Variants in GFPT1 observed in about 807,000 individuals in gnomAD.
GFPT1 encodes the protein glutamine--fructose-6-phosphate transaminase 1, also known as glutamine--fructose-6-phosphate aminotransferase [isomerizing] 1.
Under a neutral mutation model 92.0 loss-of-function variants are expected in GFPT1, and 40 were observed. That is an observed-to-expected ratio of 0.43 (90% CI 0.34 to 0.57). The LOEUF is 0.57. GFPT1 is among the 20% of genes least tolerant of loss of function. The pLI is 0.02. For missense variants in GFPT1, 448 were observed against 869.1 expected, an observed-to-expected ratio of 0.52 and a Z score of 6.09; for synonymous variants, 269 against 280.6, an observed-to-expected ratio of 0.96 and a Z score of 0.41.
intron 1 of GFPT1, among the ~76,000 whole-genome samples, chr2:69,380,291 G>A (rs958124476): frequency 1.1e-4 from 17 of 152,142 alleles, no homozygotes; most frequent in African/African-American, 2.9e-4. Flanking sequence ...GAAGTGGGCC[G>A]AGATTGCGCC....
At chr2:69,350,423 T>C (rs940525242) in intron 9 of GFPT1, among the ~76,000 whole-genome samples, 1 of 152,128 alleles carries the variant, frequency 6.6e-6, no homozygotes, top group African/African-American at 2.4e-5. Flanking sequence ...TGCTACATTA[T>C]ATGTTTTTTT....
chr2:69,365,069 T>A (rs1671576733), intron 3 of GFPT1, among the ~76,000 whole-genome samples: 1 of 151,574 alleles, frequency 6.6e-6, no homozygotes, highest in African/African-American at 2.4e-5. Flanking sequence ...TCTTGGGGTT[T>A]CTTAAAAAAA....
At chr2:69,356,134 C>T (rs1478989619) in intron 7 of GFPT1, among the ~76,000 whole-genome samples, 1 of 152,020 alleles carries the variant, frequency 6.6e-6, no homozygotes, top group Non-Finnish European at 1.5e-5. Flanking sequence ...GCTGGGATTA[C>T]AGGCATGTGC....
intron 10 of GFPT1, among the ~76,000 whole-genome samples, chr2:69,349,110 T>C (rs145539290): frequency 6.5e-4 from 99 of 152,372 alleles, no homozygotes; most frequent in African/African-American, 2.2e-3. Flanking sequence ...ACTCTGTTAC[T>C]AGCATTCTGC....
At chr2:69,341,972 C>T (rs138631239) in intron 13 of GFPT1, among the ~76,000 whole-genome samples, 180 bp downstream of exon 13, 1 of 152,284 alleles carries the variant, frequency 6.6e-6, no homozygotes, top group Non-Finnish European at 1.5e-5. Flanking sequence ...ACAGATCTTC[C>T]ATGGATAAAT....
intron 1 of GFPT1, among the ~76,000 whole-genome samples, chr2:69,382,735 T>G (rs1672039181): frequency 6.6e-6 from 1 of 152,144 alleles, no homozygotes; most frequent in African/African-American, 2.4e-5. Context: ...GGTTAACATA[T>G]GCCATTAATG....
chr2:69,348,069 T>C, intron 11 of GFPT1, 102 bp downstream of exon 11: 1 of 932,024 alleles, frequency 1.1e-6, no homozygotes, highest in Non-Finnish European at 1.8e-6. Flanking sequence ...ATGTGGAAGA[T>C]TCCACTCATC....
In GFPT1 at chr2:69,325,565, C is replaced by T. The variant is rs1428971468; in HGVS notation, c.*624G>A. 6.6e-6 allele frequency: 1 copy of T among 152,256 alleles called. No homozygotes were observed. Among genetic ancestry groups the T allele is most frequent in the South Asian group, 2.1e-4 (1 of 4,840 alleles). The allele number at this position is 152,256 out of a possible 1,614,324, so 9.4% of individuals were successfully genotyped here. ...CCACCAATGCACTACTGTAATATTT[C>T]GCTTCCTAAATTTCTTCCACCTACA... On this transcript the variant is annotated 3_prime_UTR_variant, in exon 20 of 20. Transcript: ENST00000357308.
At chr2:69,384,742 G>A (rs544998406) in intron 1 of GFPT1, among the ~76,000 whole-genome samples, 13 of 121,892 alleles carry the variant, frequency 1.1e-4, no homozygotes, top group Middle Eastern at 4.0e-3. Context: ...AGAAAGAAGA[G>A]AAAGAAAGAA....
rs568317375 is a variant in GFPT1, at chr2:69,322,378, T to C, written c.*3811A>G. On this transcript the variant is annotated 3_prime_UTR_variant, in exon 20 of 20. Transcript: ENST00000357308. ...TTAGTTCTTTTATTGCTATGGTATA[T>C]GCTAATTTTTTTAAAAGGGGAAAAA... 2.0e-5 allele frequency: 3 copies of C among 152,226 alleles called. No individual in the cohort carries two copies. Among genetic ancestry groups the C allele is most frequent in the South Asian group, 4.1e-4 (2 of 4,824 alleles). 9.4% of individuals were successfully genotyped at this position (152,226 alleles called of 1,614,324 possible).
At chr2:69,348,916 A>C (rs1443659310) in intron 10 of GFPT1, among the ~76,000 whole-genome samples, 2 of 151,934 alleles carry the variant, frequency 1.3e-5, no homozygotes, top group Non-Finnish European at 2.9e-5. Flanking sequence ...TCTCCCCCCA[A>C]GCTTCCTCTC....
intron 19 of GFPT1, 26 bp downstream of exon 19, chr2:69,326,888 G>A: frequency 1.2e-6 from 2 of 1,612,108 alleles, no homozygotes; most frequent in Non-Finnish European, 1.7e-6. Flanking sequence ...ACCATCCCAA[G>A]ATTTCTGCAG....
intron 13 of GFPT1, among the ~76,000 whole-genome samples, chr2:69,338,955 A>G (rs1338155057): frequency 6.6e-6 from 1 of 152,100 alleles, no homozygotes; most frequent in Non-Finnish European, 1.5e-5. Context: ...GTGCGCCACC[A>G]TGCCCAGCTT....
intron 1 of GFPT1, among the ~76,000 whole-genome samples, chr2:69,384,591 A>G (rs1672083393): frequency 6.6e-6 from 1 of 150,970 alleles, no homozygotes; most frequent in African/African-American, 2.4e-5. Context: ...ACACCCCTGT[A>G]ATCCCAGCTA....
intron 9 of GFPT1, 34 bp from the exon 10 acceptor site, chr2:69,350,217 T>C (rs2104639241): frequency 3.0e-6 from 4 of 1,355,838 alleles, no homozygotes; most frequent in Non-Finnish European, 4.2e-6. Flanking sequence ...TTGGCAAACA[T>C]GTAGAAAATC....
In GFPT1 at chr2:69,366,062, C is replaced by T. The variant is rs1671603166; in HGVS notation, c.224-2392G>A. ...CTCCTGACCTCAGGTGATCCGCCCA[C>T]CTCAACCTCCCAAAGTGCTGGGATT... On this transcript the variant is annotated intron_variant, in intron 3 of 19. Coordinates refer to ENST00000357308, the MANE Select transcript of GFPT1 (RefSeq NM_001244710.2). Among the ~76,000 whole-genome samples, 3 of 151,824 alleles carry T rather than the reference C, an allele frequency of 2.0e-5. No homozygotes were observed. The South Asian group carries it at 6.2e-4, about 31-fold the overall frequency.
At chr2:69,339,827 A>G (rs1386683811) in intron 13 of GFPT1, among the ~76,000 whole-genome samples, 1 of 152,158 alleles carries the variant, frequency 6.6e-6, no homozygotes, top group East Asian at 1.9e-4. Context: ...CATGTAAAGA[A>G]AATCATTGAA....
chr2:69,375,269 T>A (rs1472845091), intron 1 of GFPT1, among the ~76,000 whole-genome samples: 1 of 152,218 alleles, frequency 6.6e-6, no homozygotes, highest in Non-Finnish European at 1.5e-5. Flanking sequence ...TCCTTTTTTC[T>A]TAACTACATT....
intron 1 of GFPT1, among the ~76,000 whole-genome samples, chr2:69,379,321 T>C (rs370715529): frequency 6.6e-6 from 1 of 151,896 alleles, no homozygotes; most frequent in East Asian, 1.9e-4. Context: ...GGCAGGAGTT[T>C]GAGATCAGCC....
Sources: allele counts gnomAD v4.1 joint callset (sites outside exome capture counted in the v4.1 genomes callset), GRCh38; gene constraint gnomAD v4.1.1; transcripts MANE v1.5; gene names NCBI Gene and HGNC (gene_info 2026-07-23, HGNC 2026-07-21).